The following UGT1A10 variants were observed in gnomAD, a reference collection of about 807,000 sequenced individuals.
The protein encoded by UGT1A10 is UDP-glucuronosyltransferase 1A10.
A neutral mutation model predicts 45.8 loss-of-function variants in UGT1A10; 49 were observed. That is an observed-to-expected ratio of 1.07 (90% CI 0.85 to 1.36). The LOEUF (loss-of-function observed/expected upper bound fraction) is 1.36. Among genes scored for constraint, UGT1A10 ranks in the 40% most tolerant of loss-of-function variants. UGT1A10 has a pLI of 0.00. For missense variants in UGT1A10, 745 were observed against 668.6 expected, an observed-to-expected ratio of 1.11 and a Z score of -1.26; for synonymous variants, 284 against 249.7, an observed-to-expected ratio of 1.14 and a Z score of -1.29.
intron 1 of UGT1A10, among the ~76,000 whole-genome samples, chr2:233,656,703 GTGT>G (rs1362251799): frequency 6.6e-6 from 1 of 152,112 alleles, no homozygotes; most frequent in Non-Finnish European, 1.5e-5. Context: ...AAGGGAGGGA[GTGT>G]GACGAGGCGT....
At chr2:233,704,682 G>A (rs966560618) in intron 1 of UGT1A10, among the ~76,000 whole-genome samples, 2 of 152,060 alleles carry the variant, frequency 1.3e-5, no homozygotes, top group Non-Finnish European at 2.9e-5. Flanking sequence ...ATGGATCTGA[G>A]TTACCTTATG....
intron 1 of UGT1A10, among the ~76,000 whole-genome samples, chr2:233,715,856 G>A (rs1421032184): frequency 2.6e-5 from 4 of 152,126 alleles, no homozygotes; most frequent in Non-Finnish European, 5.9e-5. Context: ...TGAAAAGCTG[G>A]GTGCAGTAGC....
chr2:233,742,574 G>A lies in UGT1A10; in HGVS notation c.856-24460G>A, dbSNP rs544718368. On this transcript the variant is annotated intron_variant, in intron 1 of 4. Coordinates refer to ENST00000344644, the MANE Select transcript of UGT1A10 (RefSeq NM_019075.4). ...TAGGGGCCAGCTTCTGGCCGGAATT[G>A]GGGGCTTATCCCCAGCAACCTACCA... Among the ~76,000 whole-genome samples the A allele has an allele frequency of 5.3e-5, 8 of 151,892 alleles. No homozygotes were observed. In the South Asian group the frequency reaches 1.7e-3, roughly 31 times the overall value.
At chr2:233,760,415 T>C in intron 1 of UGT1A10, 2 of 1,614,208 alleles carry the variant, frequency 1.2e-6, no homozygotes, top group Admixed American at 1.7e-5. Flanking sequence ...TGGCTGAGCA[T>C]GCTTGGGGCC....
intron 1 of UGT1A10, among the ~76,000 whole-genome samples, chr2:233,735,332 CCCT>C (rs1370680627): frequency 6.6e-6 from 1 of 151,862 alleles, no homozygotes; most frequent in Non-Finnish European, 1.5e-5. Flanking sequence ...GGATTGCAAC[CCCT>C]GCTTTTTTTT....
At position 233,673,302 on chromosome 2, in the gene UGT1A10, C is replaced by T. The variant is rs1228379042; in HGVS notation, c.855+35925C>T. 2.0e-5 allele frequency among the ~76,000 whole-genome samples: 3 copies of T among 152,052 alleles called. No homozygotes were observed. In the East Asian group the frequency reaches 5.8e-4, roughly 29 times the overall value. ...TTATAAATACCTTTATAGACCAATA[C>T]AGACAGATTTGACAAGTTCTATTAA... On this transcript the variant is annotated intron_variant, in intron 1 of 4. Transcript: ENST00000344644.
chr2:233,660,966 A>G (rs971350826), intron 1 of UGT1A10, among the ~76,000 whole-genome samples: 8 of 151,896 alleles, frequency 5.3e-5, no homozygotes, highest in African/African-American at 1.9e-4. Flanking sequence ...TATATCCTTC[A>G]GTTTTATTTA....
chr2:233,721,794 C>T, intron 1 of UGT1A10: 1 of 512,964 alleles, frequency 1.9e-6, no homozygotes, highest in Non-Finnish European at 3.9e-6. Flanking sequence ...CATTTTAAAG[C>T]ACATGCAGCA....
chr2:233,672,143 T>C, intron 1 of UGT1A10: 1 of 1,614,216 alleles, frequency 6.2e-7, no homozygotes, highest in African/African-American at 1.3e-5. Flanking sequence ...GGAAGATCAC[T>C]GAATTGCACA....
chr2:233,655,701 TC>T (rs1419323508), intron 1 of UGT1A10, among the ~76,000 whole-genome samples: 2 of 152,220 alleles, frequency 1.3e-5, no homozygotes, highest in Non-Finnish European at 2.9e-5. Context: ...AGGACGCCTC[TC>T]TGGCCTCAGG....
intron 1 of UGT1A10, among the ~76,000 whole-genome samples, chr2:233,657,002 C>A (rs1388907351): frequency 6.6e-6 from 1 of 151,996 alleles, no homozygotes; most frequent in Non-Finnish European, 1.5e-5. Flanking sequence ...TAGGACCTAA[C>A]CTTTCTACGT....
At chr2:233,727,635 G>A (rs920148460) in intron 1 of UGT1A10, among the ~76,000 whole-genome samples, 17 of 152,184 alleles carry the variant, frequency 1.1e-4, no homozygotes, top group Non-Finnish European at 1.5e-4. Flanking sequence ...TGCACCCACA[G>A]CTGAGAATCC....
rs1312213454 is a variant in UGT1A10, at chr2:233,637,387, C to T, written c.855+10C>T. 43 of 1,609,526 alleles carry T rather than the reference C, an allele frequency of 2.7e-5. No individual in the cohort carries two copies. Among genetic ancestry groups the T allele is most frequent in the Non-Finnish European group, 3.5e-5 (41 of 1,177,042 alleles). On this transcript the variant is annotated intron_variant, in intron 1 of 4. Coordinates refer to ENST00000344644, the MANE Select transcript of UGT1A10 (RefSeq NM_019075.4). ...AAAGCCATTGCCTATGGTAAGTCAC[C>T]TCTCCTTTAGCACATTAAGAATAAT...
intron 1 of UGT1A10, among the ~76,000 whole-genome samples, chr2:233,696,006 C>T (rs2075317291): frequency 6.6e-6 from 1 of 152,064 alleles, no homozygotes; most frequent in Admixed American, 6.6e-5. Flanking sequence ...AGCATCAGGT[C>T]CCACAGACAT....
At chr2:233,719,075 C>A in intron 1 of UGT1A10, 17 of 1,614,240 alleles carry the variant, frequency 1.1e-5, no homozygotes, top group Non-Finnish European at 1.4e-5. Flanking sequence ...TTCCATGGAC[C>A]CAGAAGGAAT....
chr2:233,735,645 G>C (rs1395226137), intron 1 of UGT1A10, among the ~76,000 whole-genome samples: 1 of 152,164 alleles, frequency 6.6e-6, no homozygotes, highest in Admixed American at 6.5e-5. Flanking sequence ...GCAGTGGCTG[G>C]TACTGGTGTT....
intron 1 of UGT1A10, among the ~76,000 whole-genome samples, chr2:233,695,422 CCTT>C (rs34487948): frequency 0.29 from 43,778 of 150,946 alleles, 6,669 homozygotes; most frequent in South Asian, 0.38. Context: ...CCGCGCCCGG[CCTT>C]CTTCTTCTTC....
chr2:233,689,424 C>G (rs1478250131), intron 1 of UGT1A10, among the ~76,000 whole-genome samples: 1 of 152,126 alleles, frequency 6.6e-6, no homozygotes, highest in East Asian at 1.9e-4. Context: ...TAATGGCTTG[C>G]AAGTAAAGGT....
chr2:233,660,082 C>T (rs937035129), intron 1 of UGT1A10, among the ~76,000 whole-genome samples: 23 of 152,212 alleles, frequency 1.5e-4, no homozygotes, highest in African/African-American at 5.5e-4. Flanking sequence ...CCTTGATTGG[C>T]TCTGTTTTAA....
Sources: allele counts gnomAD v4.1 joint callset (sites outside exome capture counted in the v4.1 genomes callset), GRCh38; gene constraint gnomAD v4.1.1; transcripts MANE v1.5; gene names NCBI Gene and HGNC (gene_info 2026-07-23, HGNC 2026-07-21).